The following TYK2 variants were observed in gnomAD, a reference collection of about 807,000 sequenced individuals.
TYK2 encodes non-receptor tyrosine-protein kinase TYK2.
A neutral mutation model predicts 130.9 loss-of-function variants in TYK2; 65 were observed. The observed-to-expected ratio is 0.50, with a 90% CI of 0.41 to 0.61. TYK2 has a LOEUF of 0.61. Among genes scored for constraint, TYK2 ranks in the 20% least tolerant of loss-of-function variants. The pLI, the probability that TYK2 is intolerant of heterozygous loss-of-function variation, is 0.00. For missense variants in TYK2, 1,378 were observed against 1,610.7 expected, an observed-to-expected ratio of 0.86 and a Z score of 2.47; for synonymous variants, 647 against 658.9, an observed-to-expected ratio of 0.98 and a Z score of 0.28.
intron 3 of TYK2, chr19:10,369,708 C>A (rs974178051): frequency 2.0e-5 from 9 of 453,672 alleles, no homozygotes; most frequent in African/African-American, 2.0e-5. Context: ...TTTCCCACAC[C>A]AGCTACCCAG....
At chr19:10,362,963 G>T (rs1427277138) in intron 9 of TYK2, among the ~76,000 whole-genome samples, 1 of 151,552 alleles carries the variant, frequency 6.6e-6, no homozygotes, top group Non-Finnish European at 1.5e-5. Context: ...GCCCACCTGG[G>T]TTCAAGCAAT....
chr19:10,357,776 G>A lies in TYK2; in HGVS notation c.2454C>T (p.Arg818=). 2 of 1,611,166 alleles carry A rather than the reference G, an allele frequency of 1.2e-6. No individual in the cohort carries two copies. The highest frequency in any genetic ancestry group is 1.7e-6 in the Non-Finnish European group (2 of 1,178,962). ...CFDGEAPLQS[R]SPSEKEHFYQ... ...CTCCTAGACATACCTCGGAGGGACT[G>A]CGGCTCTGCAGAGGGGCCTCTCCGT... The change falls in exon 17 of 25, where the codon CGC becomes CGT. Residue 818 remains arginine (R), a synonymous_variant. Coordinates refer to ENST00000525621, the MANE Select transcript of TYK2 (RefSeq NM_003331.5).
intron 2 of TYK2, among the ~76,000 whole-genome samples, chr19:10,378,831 T>TCA (rs1568347728): frequency 6.7e-4 from 91 of 134,914 alleles, no homozygotes; most frequent in Middle Eastern, 3.6e-3. Context: ...ACGTTTTATT[T>TCA]TATATCTTAT....
At chr19:10,365,174 C>G in intron 7 of TYK2, 126 bp from the exon 8 acceptor site, 3 of 1,111,834 alleles carry the variant, frequency 2.7e-6, no homozygotes, top group East Asian at 5.2e-5. Flanking sequence ...CCTCCCAAGT[C>G]CCAGTGTCAC....
In TYK2 at chr19:10,364,553, G is replaced by A; in HGVS notation, c.1367+61C>T. On this transcript the variant is annotated intron_variant, in intron 9 of 24. Coordinates refer to ENST00000525621, the MANE Select transcript of TYK2 (RefSeq NM_003331.5). The surrounding 1 kb of genome is among the most constrained non-coding windows in gnomAD (Gnocchi z 4.9). ...CACACACACCCTGCACAGCCCCTAG[G>A]GCTCACAGTCTAGTTGGCACCCTTG... 1 of 1,593,410 alleles carries A rather than the reference G, an allele frequency of 6.3e-7. No individual in the cohort carries two copies. Among genetic ancestry groups the A allele is most frequent in the South Asian group, 1.1e-5 (1 of 90,634 alleles).
chr19:10,354,911 C>T (rs1161143679), intron 18 of TYK2, among the ~76,000 whole-genome samples: 1 of 150,966 alleles, frequency 6.6e-6, no homozygotes, highest in Non-Finnish European at 1.5e-5. Context: ...AAAAAATTAG[C>T]CAGGTGTGGT....
intron 3 of TYK2, among the ~76,000 whole-genome samples, chr19:10,377,211 T>TCTGATTTATTATATTTCTTG (rs1403681430): frequency 3.3e-5 from 5 of 152,164 alleles, no homozygotes; most frequent in African/African-American, 7.2e-5. Flanking sequence ...GGCCAAGTTT[T>TCTGATTTATTATATTTCTTG]CTGATTTATT....
In TYK2 at chr19:10,364,951, C is replaced by T. The variant is rs759514762; in HGVS notation, c.1109G>A (p.Arg370Gln). Residue 370 changes from arginine to glutamine, a missense_variant, in exon 8 of 25, where the codon CGG becomes CAG. Physicochemically the swap from Arg to Gln is conservative, Grantham distance 43. Transcript: ENST00000525621. This position sits in a 1 kb window ranked among gnomAD's most constrained non-coding sequence, Gnocchi z 4.9. ...KAVGQPADRP[R>Q]EPLWAYFCDF... Reference sequence around the variant, plus strand: ...ACAGAAGTAGGCCCACAGTGGCTCCCGCGGCCTGTCTGCCGGCTGGCCGAC... The same window carrying T: ...ACAGAAGTAGGCCCACAGTGGCTCCTGCGGCCTGTCTGCCGGCTGGCCGAC... 13 of 1,614,042 alleles carry T rather than the reference C, an allele frequency of 8.1e-6. No homozygotes were observed. Among genetic ancestry groups the T allele is most frequent in the Admixed American group, 1.7e-5 (1 of 60,012 alleles).
At position 10,365,155 on chromosome 19, in the gene TYK2, C is replaced by T; in HGVS notation, c.1012-107G>A. On this transcript the variant is annotated intron_variant, in intron 7 of 24. Transcript: ENST00000525621. ...GGAGCCAGAAGGGCCAGGCACCAAC[C>T]TAGGTTGACCTCCCAAGTCCCAGTG... 5.5e-6 allele frequency: 7 copies of T among 1,266,968 alleles called. No homozygotes were observed. In the South Asian group the frequency reaches 7.6e-5, roughly 14 times the overall value. The allele number at this position is 1,266,968 out of a possible 1,614,324, so 78.5% of individuals were successfully genotyped here. A position where few individuals can be genotyped will look rare whatever the true frequency, so the allele number is the denominator to read the frequency against.
chr19:10,378,174 A>G (rs750666322), intron 3 of TYK2, 40 bp downstream of exon 3: 1 of 1,605,764 alleles, frequency 6.2e-7, no homozygotes. Context: ...CTGCTTGCAC[A>G]CCCACCCCAG....
rs896451881 is a variant in TYK2 at position 10,366,755 on chromosome 19, A to C, written c.466-175T>G. On this transcript the variant is annotated intron_variant, in intron 5 of 24. Transcript: ENST00000525621. ...AGCTAAAAAAAAAAAAAAAAAAAGA[A>C]TATCGCAAGCCGGGCATGGTGGCTC... Among the ~76,000 whole-genome samples the C allele has an allele frequency of 3.3e-5, 5 of 151,484 alleles. No homozygotes were observed. In the South Asian group the frequency reaches 1.0e-3, roughly 32 times the overall value.
rs1270833514 is a variant in TYK2, at chr19:10,364,689, C to T, written c.1292G>A (p.Ser431Asn). Residue 431 changes from serine to asparagine, a missense_variant, in exon 9 of 25, where the codon AGC becomes AAC. By Grantham distance (46) the Ser-to-Asn change is conservative (BLOSUM62 1). Coordinates refer to ENST00000525621, the MANE Select transcript of TYK2 (RefSeq NM_003331.5). The surrounding 1 kb of genome is among the most constrained non-coding windows in gnomAD (Gnocchi z 4.9). Reference protein sequence around the residue: ...DGYFRLTADSSHYLCHEVAPP... With the variant: ...DGYFRLTADSNHYLCHEVAPP... ...AGCCACCTCGTGGCACAGGTAGTGG[C>T]TGGAGTCGGCCGTCAGGCGGAAATA... The T allele has an allele frequency of 2.5e-6, 4 of 1,613,700 alleles. No homozygotes were observed. Among genetic ancestry groups the T allele is most frequent in the African/African-American group, 2.7e-5 (2 of 74,940 alleles).
Position 10,364,598 on chromosome 19 carries a change from C to T in TYK2, c.1367+16G>A, listed in dbSNP as rs2041563384. 2 of 1,613,434 alleles carry T rather than the reference C, an allele frequency of 1.2e-6. No individual in the cohort carries two copies. The highest frequency in any genetic ancestry group is 1.7e-6 in the Non-Finnish European group (2 of 1,179,974). ...CCCTTGGCGGTGGCCCCCAGCGCCC[C>T]CCACCCAGCACTCACAGCAGGGGTC... On this transcript the variant is annotated intron_variant, in intron 9 of 24. Coordinates refer to ENST00000525621, the MANE Select transcript of TYK2 (RefSeq NM_003331.5). This position sits in a 1 kb window ranked among gnomAD's most constrained non-coding sequence, Gnocchi z 4.9.
chr19:10,377,442 A>ATGGATG (rs2042169500), intron 3 of TYK2, among the ~76,000 whole-genome samples: 2 of 58,400 alleles, frequency 3.4e-5, no homozygotes, highest in African/African-American at 6.6e-5. Flanking sequence ...ATGGATGGAT[A>ATGGATG]GATGGATGAA....
chr19:10,364,497 A>C lies in TYK2; in HGVS notation c.1367+117T>G, dbSNP rs1383916372. On this transcript the variant is annotated intron_variant, in intron 9 of 24. Coordinates refer to ENST00000525621, the MANE Select transcript of TYK2 (RefSeq NM_003331.5). The surrounding 1 kb of genome is among the most constrained non-coding windows in gnomAD (Gnocchi z 4.9). The stretch of plus-strand genomic sequence containing the variant: ...CCACTGCACTCCAGTTTGGGCGACA[A>C]AAAATAAAAAAAAAATAAGACGTGC... 26 of 1,303,900 alleles carry C rather than the reference A, an allele frequency of 2.0e-5. No individual in the cohort carries two copies. In the African/African-American group the frequency reaches 3.0e-4, roughly 15 times the overall value. The allele number at this position is 1,303,900 out of a possible 1,614,324, so 80.8% of individuals were successfully genotyped here.
chr19:10,351,190 T>G, intron 23 of TYK2, 28 bp from the exon 24 acceptor site: 1 of 1,595,380 alleles, frequency 6.3e-7, no homozygotes, highest in South Asian at 1.1e-5. Context: ...CAAGCTCTTT[T>G]CAAGAGGCAA....
At position 10,361,828 on chromosome 19, in the gene TYK2, C is replaced by T. The variant is rs189471343; in HGVS notation, c.1901G>A (p.Gly634Glu). ...TTTGAGCACCACTCGTAGCTCCTGC[C>T]CACGGTCCCTGCCAGGCACGAGGGG... The part of the protein sequence containing the change: ...EDPLVPGRDR[G>E]QELRVVLKVL... Residue 634 changes from glycine (G) to glutamate (E), a missense_variant, in exon 13 of 25, where the codon GGG (glycine) becomes GAG (glutamate). Physicochemically the swap from Gly to Glu is moderately conservative, Grantham distance 98. Transcript: ENST00000525621. The surrounding 1 kb of genome is among the most constrained non-coding windows in gnomAD (Gnocchi z 4.0). 123 of 1,614,004 alleles carry T rather than the reference C, an allele frequency of 7.6e-5. No homozygotes were observed. The East Asian group carries it at 2.3e-3, about 31-fold the overall frequency.
At chr19:10,367,779 G>A (rs1338131866) in intron 5 of TYK2, among the ~76,000 whole-genome samples, 1 of 151,896 alleles carries the variant, frequency 6.6e-6, no homozygotes. Flanking sequence ...AATTAGCTGG[G>A]CATGGTGGCG....
At chr19:10,368,460 C>A in intron 3 of TYK2, 42 bp from the exon 4 acceptor site, 1 of 1,613,326 alleles carries the variant, frequency 6.2e-7, no homozygotes, top group Non-Finnish European at 8.5e-7. Flanking sequence ...ACGTCATTTG[C>A]TACCGTCAGC....
Sources: allele counts gnomAD v4.1 joint callset (sites outside exome capture counted in the v4.1 genomes callset), GRCh38; gene constraint gnomAD v4.1.1; non-coding constraint Gnocchi (gnomAD v3.1); transcripts MANE v1.5; gene names NCBI Gene and HGNC (gene_info 2026-07-23, HGNC 2026-07-21).